MARCHF1: variants seen among roughly 807,000 people sequenced by gnomAD.
MARCHF1 encodes E3 ubiquitin-protein ligase MARCHF1.
A neutral mutation model predicts 54.2 loss-of-function variants in MARCHF1; 40 were observed. The observed-to-expected ratio is 0.74, with a 90% CI of 0.57 to 0.96. The LOEUF (loss-of-function observed/expected upper bound fraction) is 0.96. Ranked by LOEUF, MARCHF1 falls within the 40% of genes least tolerant of loss-of-function variation. The probability of loss-of-function intolerance (pLI) is 0.00; values close to 1 mark genes in which losing one functional copy is unlikely to be tolerated. For missense variants in MARCHF1, 586 were observed against 656.5 expected (o/e 0.89, Z 1.17); for synonymous variants, 236 against 236.3 (o/e 1.00, Z 0.01).
chr4:163,836,407 G>A (rs1345102874), intron 4 of MARCHF1, among the ~76,000 whole-genome samples: 9 of 148,016 alleles, frequency 6.1e-5, no homozygotes, highest in South Asian at 2.2e-4. Context: ...CACCACGCCC[G>A]GCTAATTTTT....
intron 1 of MARCHF1, among the ~76,000 whole-genome samples, chr4:164,145,856 C>T (rs938192849): frequency 1.7e-5 from 2 of 116,982 alleles, no homozygotes; most frequent in African/African-American, 6.8e-5. Flanking sequence ...AAAGGGTATT[C>T]AATTAGGAAA....
At chr4:164,053,648 T>C (rs1187492517) in intron 2 of MARCHF1, among the ~76,000 whole-genome samples, 1 of 152,248 alleles carries the variant, frequency 6.6e-6, no homozygotes, top group East Asian at 1.9e-4. Flanking sequence ...TTCATATTTC[T>C]CTTTTTTGTT....
chr4:164,145,135 C>G (rs1229142321), intron 1 of MARCHF1, among the ~76,000 whole-genome samples: 1 of 150,492 alleles, frequency 6.6e-6, no homozygotes, highest in African/African-American at 2.4e-5. Context: ...GAAGTTGAAT[C>G]TCTGAATAGA....
chr4:163,803,266 C>A (rs1338586190), intron 4 of MARCHF1, among the ~76,000 whole-genome samples: 2 of 152,100 alleles, frequency 1.3e-5, no homozygotes, highest in African/African-American at 4.8e-5. Flanking sequence ...CTCTGCCTCC[C>A]GGGTTCAAGT....
At chr4:164,357,097 CT>C (rs1730576439) in intron 1 of MARCHF1, among the ~76,000 whole-genome samples, 1 of 145,908 alleles carries the variant, frequency 6.9e-6, no homozygotes, top group Non-Finnish European at 1.5e-5. Flanking sequence ...ATATGCACCC[CT>C]GAACTTAAGT....
chr4:163,865,338 C>T (rs1031412161), intron 3 of MARCHF1, among the ~76,000 whole-genome samples: 1 of 151,818 alleles, frequency 6.6e-6, no homozygotes, highest in Non-Finnish European at 1.5e-5. Flanking sequence ...GGATACTTGA[C>T]ACAACAGTAA....
chr4:164,178,898 A>C (rs1730758445), intron 1 of MARCHF1, among the ~76,000 whole-genome samples: 2 of 152,184 alleles, frequency 1.3e-5, no homozygotes, highest in Admixed American at 6.5e-5. Flanking sequence ...TTCTCCTATG[A>C]GTTGACAAAC....
intron 1 of MARCHF1, among the ~76,000 whole-genome samples, chr4:164,370,458 A>G (rs982771725): frequency 7.9e-5 from 12 of 152,192 alleles, no homozygotes; most frequent in African/African-American, 2.9e-4. Flanking sequence ...TTCCCTTACC[A>G]TACTCTCTCA....
chr4:164,182,418 T>C (rs1730855035), intron 1 of MARCHF1, among the ~76,000 whole-genome samples: 2 of 152,100 alleles, frequency 1.3e-5, no homozygotes, highest in South Asian at 4.1e-4. Context: ...GGTAGGTATA[T>C]AGGTATCAGA....
chr4:163,637,902 A>G (rs1579142816), intron 5 of MARCHF1, among the ~76,000 whole-genome samples: 1 of 151,352 alleles, frequency 6.6e-6, no homozygotes, highest in Non-Finnish European at 1.5e-5. Flanking sequence ...ACCATGGAAT[A>G]CTATGCAGCC....
At chr4:163,723,878 G>T (rs540707573) in intron 4 of MARCHF1, among the ~76,000 whole-genome samples, 1 of 152,260 alleles carries the variant, frequency 6.6e-6, no homozygotes, top group Admixed American at 6.5e-5. Context: ...GCTCCATCAG[G>T]TCATTTAAGG....
At chr4:164,109,686 A>G (rs1755789237) in intron 2 of MARCHF1, among the ~76,000 whole-genome samples, 1 of 151,802 alleles carries the variant, frequency 6.6e-6, no homozygotes, top group Admixed American at 6.6e-5. Context: ...AAGCAAGATA[A>G]CATTTCTTCT....
At chr4:163,809,172 A>G (rs1748314326) in intron 4 of MARCHF1, among the ~76,000 whole-genome samples, 1 of 152,190 alleles carries the variant, frequency 6.6e-6, no homozygotes, top group African/African-American at 2.4e-5. Context: ...ATGCTTTGGT[A>G]TTGTTAAGTC....
At chr4:164,240,319 G>GTT (rs1732700954) in intron 1 of MARCHF1, among the ~76,000 whole-genome samples, 1 of 152,172 alleles carries the variant, frequency 6.6e-6, no homozygotes, top group Non-Finnish European at 1.5e-5. Flanking sequence ...GCTTGACTAT[G>GTT]TTTTATTTGG....
intron 3 of MARCHF1, among the ~76,000 whole-genome samples, chr4:163,883,645 A>G (rs938537339): frequency 6.6e-6 from 1 of 152,226 alleles, no homozygotes; most frequent in Non-Finnish European, 1.5e-5. Context: ...GCCTAGTTAA[A>G]TTTAAACTTC....
At chr4:163,611,786 C>T (rs1741350283) in intron 7 of MARCHF1, among the ~76,000 whole-genome samples, 1 of 152,060 alleles carries the variant, frequency 6.6e-6, no homozygotes, top group Non-Finnish European at 1.5e-5. Context: ...TCCTTTGAGT[C>T]TTCAATTACC....
At chr4:164,139,944 C>T (rs572924441) in intron 1 of MARCHF1, among the ~76,000 whole-genome samples, 5 of 152,136 alleles carry the variant, frequency 3.3e-5, no homozygotes, top group Admixed American at 2.0e-4. Context: ...TCTTTCACTT[C>T]ATTTTTCTCC....
chr4:163,778,862 T>C (rs1375210231), intron 4 of MARCHF1, among the ~76,000 whole-genome samples: 1 of 151,204 alleles, frequency 6.6e-6, no homozygotes, highest in Non-Finnish European at 1.5e-5. Flanking sequence ...AGTGAGAGGG[T>C]GGGAGGGGGG....
chr4:163,561,606 A>G (rs770487576), intron 8 of MARCHF1, among the ~76,000 whole-genome samples: 2 of 152,226 alleles, frequency 1.3e-5, no homozygotes, highest in Non-Finnish European at 2.9e-5. Flanking sequence ...TTAAGAGGAT[A>G]AAATTGGTAT....
Sources: gnomAD v4.1 joint callset for allele counts (sites outside exome capture counted in the v4.1 genomes callset) on GRCh38, gnomAD v4.1.1 for gene constraint, MANE v1.5 for transcripts, NCBI Gene and HGNC (gene_info 2026-07-23, HGNC 2026-07-21) for gene names.